CEP350: variants seen among roughly 807,000 people sequenced by gnomAD.
The protein encoded by CEP350 is centrosome-associated protein 350.
In CEP350, 126 loss-of-function variants were observed where a neutral mutation model predicts 331.8. The ratio of observed to expected loss-of-function variants is 0.38; its 90% CI spans 0.33 to 0.44. The LOEUF is 0.44. CEP350 is among the 20% of genes least tolerant of loss of function. The pLI is 1.00. For synonymous variants in CEP350, 1,200 were observed against 1,259.5 expected (o/e 0.95, Z 1.00); for missense variants, 3,406 against 3,634.6 (o/e 0.94, Z 1.62).
intron 13 of CEP350, among the ~76,000 whole-genome samples, chr1:180,023,899 A>T (rs1655501146): frequency 6.6e-6 from 1 of 152,184 alleles, no homozygotes; most frequent in South Asian, 2.1e-4. Context: ...AAATCTAAAT[A>T]GATTAATAGG....
chr1:180,003,130 A>C, intron 6 of CEP350, 44 bp from the exon 7 acceptor site: 1 of 1,298,362 alleles, frequency 7.7e-7, no homozygotes, highest in Non-Finnish European at 1.1e-6. Flanking sequence ...AAAACTTATA[A>C]AGCAACTTTG....
intron 14 of CEP350, among the ~76,000 whole-genome samples, chr1:180,030,445 G>A (rs1034237412): frequency 7.3e-5 from 11 of 150,678 alleles, no homozygotes; most frequent in Non-Finnish European, 1.6e-4. Flanking sequence ...TTTTTAAAAG[G>A]TAATAATAAA....
intron 27 of CEP350, among the ~76,000 whole-genome samples, chr1:180,070,332 A>G (rs1658804400): frequency 6.6e-6 from 1 of 152,212 alleles, no homozygotes; most frequent in Non-Finnish European, 1.5e-5. Context: ...AAATTATAGA[A>G]TGATTTTATA....
chr1:180,099,466 C>CTCA (rs1450066873), intron 37 of CEP350, among the ~76,000 whole-genome samples: 1 of 151,968 alleles, frequency 6.6e-6, no homozygotes, highest in African/African-American at 2.4e-5. Context: ...TAGCTGTTAC[C>CTCA]TCATCATCAT....
chr1:180,054,528 G>A lies in CEP350; in HGVS notation c.5262+26G>A, dbSNP rs758819474. 54 of 1,527,462 alleles carry A rather than the reference G, an allele frequency of 3.5e-5. 3 individuals carry two copies. The South Asian group carries it at 5.9e-4, about 17-fold the overall frequency. 94.6% of individuals were successfully genotyped at this position (1,527,462 alleles called of 1,614,324 possible). On this transcript the variant is annotated intron_variant, in intron 25 of 37. Coordinates refer to ENST00000367607, the MANE Select transcript of CEP350 (RefSeq NM_014810.5). ...GTATGTTAGGGAAGGCACCCCTTTA[G>A]GACAGCTTATAAGGCAAGTTAGTTT...
intron 4 of CEP350, among the ~76,000 whole-genome samples, chr1:179,990,918 G>A (rs1392767978): frequency 6.6e-6 from 1 of 152,056 alleles, no homozygotes; most frequent in Non-Finnish European, 1.5e-5. Flanking sequence ...TTACAGTCTC[G>A]TGTTGTTTGC....
At chr1:180,026,297 A>G (rs1172812290) in intron 14 of CEP350, among the ~76,000 whole-genome samples, 1 of 151,318 alleles carries the variant, frequency 6.6e-6, no homozygotes, top group Non-Finnish European at 1.5e-5. Context: ...TATTTATTTT[A>G]TTTATTTCAC....
chr1:180,019,865 TCATTACTCTTATAATCAGATAAA>T, intron 11 of CEP350, 61 bp from the exon 12 acceptor site: 1 of 1,266,378 alleles, frequency 7.9e-7, no homozygotes, highest in Non-Finnish European at 1.1e-6. Context: ...CAGTGCATCC[TCATTACTCTTATAATCAGATAAA>T]AAAAAAACTT....
chr1:179,978,971 G>A (rs1036619054), intron 1 of CEP350, among the ~76,000 whole-genome samples: 1 of 152,024 alleles, frequency 6.6e-6, no homozygotes, highest in African/African-American at 2.4e-5. Flanking sequence ...TTCATCTGTT[G>A]TCGGACACTT....
intron 27 of CEP350, among the ~76,000 whole-genome samples, chr1:180,071,391 G>A (rs1403359200): frequency 1.3e-5 from 2 of 150,976 alleles, no homozygotes; most frequent in Admixed American, 1.3e-4. Flanking sequence ...CCCGGGAGAC[G>A]GAGATTGTAG....
chr1:180,034,984 T>C (rs1223294504), intron 16 of CEP350, among the ~76,000 whole-genome samples: 1 of 152,196 alleles, frequency 6.6e-6, no homozygotes. Flanking sequence ...CTTGTGCCAG[T>C]TAGCCAAGTT....
In CEP350 at chr1:180,048,613, A is replaced by G. The variant is rs768454687; in HGVS notation, c.4700A>G (p.Glu1567Gly). The G allele has an allele frequency of 6.2e-7, 1 of 1,610,922 alleles. No homozygotes were observed. The highest frequency in any genetic ancestry group is 8.5e-7 in the Non-Finnish European group (1 of 1,177,102). The change falls in exon 22 of 38, where the codon GAA becomes GGA. Residue 1567 changes from glutamate to glycine, a missense_variant. Around this residue, in one of 5 missense-constraint regions of CEP350, gnomAD observed 1,857 missense variants for 1,909.2 expected, o/e 0.97. Transcript: ENST00000367607. The part of the protein sequence containing the change: ...CKENEKKLNG[E>G]KIESSIDEQV... The stretch of plus-strand genomic sequence containing the variant: ...GAAAATGAGAAGAAACTTAATGGTG[A>G]AAAGATAGAGAGTTCCATTGATGAA...
intron 17 of CEP350, 162 bp downstream of exon 17, chr1:180,037,251 A>G (rs546866371): frequency 2.3e-4 from 109 of 477,652 alleles, no homozygotes; most frequent in African/African-American, 2.1e-3. Context: ...GGGACACTAA[A>G]AAGATACAGT....
intron 7 of CEP350, among the ~76,000 whole-genome samples, chr1:180,003,830 T>C (rs1322157400): frequency 2.6e-5 from 4 of 152,076 alleles, no homozygotes; most frequent in African/African-American, 9.7e-5. Flanking sequence ...TTTTCTATTT[T>C]TTACAGTTGA....
chr1:180,079,539 G>A (rs562221870), intron 29 of CEP350, among the ~76,000 whole-genome samples: 16 of 151,826 alleles, frequency 1.1e-4, no homozygotes, highest in African/African-American at 3.9e-4. Context: ...ATGTCCTTGT[G>A]CACATACTTG....
chr1:180,025,170 C>T (rs150861156), intron 14 of CEP350, among the ~76,000 whole-genome samples: 24 of 152,082 alleles, frequency 1.6e-4, no homozygotes, highest in East Asian at 1.2e-3. Context: ...GTGATCCACC[C>T]GCCTTGGCCT....
At chr1:180,010,616 T>G (rs937810491) in intron 8 of CEP350, among the ~76,000 whole-genome samples, 3 of 151,804 alleles carry the variant, frequency 2.0e-5, no homozygotes, top group African/African-American at 7.3e-5. Context: ...CTTTTTTTTT[T>G]TCTGAGACAG....
At chr1:180,031,921 C>T (rs1656049083) in intron 15 of CEP350, among the ~76,000 whole-genome samples, 1 of 152,070 alleles carries the variant, frequency 6.6e-6, no homozygotes, top group Non-Finnish European at 1.5e-5. Context: ...TTTCTTTTGT[C>T]TATAAATGTC....
At chr1:180,096,002 A>ATTTTGTTTTG (rs770331473) in intron 35 of CEP350, 36 bp from the exon 36 acceptor site, 1 of 1,546,370 alleles carries the variant, frequency 6.5e-7, no homozygotes, top group African/African-American at 1.4e-5. Flanking sequence ...ATTCTTAGCC[A>ATTTTGTTTTG]TTTTGTTTTG....
Sources: gnomAD v4.1 joint callset for allele counts (sites outside exome capture counted in the v4.1 genomes callset) on GRCh38, gnomAD v4.1.1 for gene constraint, gnomAD v4.1.1 regional missense constraint, MANE v1.5 for transcripts, NCBI Gene and HGNC (gene_info 2026-07-23, HGNC 2026-07-21) for gene names.